Variants in TRIP12 observed in about 807,000 individuals in gnomAD.
TRIP12 encodes thyroid hormone receptor interactor 12.
Under a neutral mutation model 244.2 loss-of-function variants are expected in TRIP12, and 25 were observed. The ratio of observed to expected loss-of-function variants is 0.10; its 90% CI spans 0.07 to 0.14. TRIP12 has a LOEUF of 0.14. TRIP12 is among the 10% of genes least tolerant of loss of function. TRIP12 has a pLI of 1.00. For synonymous variants in TRIP12, 905 were observed against 873.1 expected (o/e 1.04, Z -0.64); for missense variants, 1,677 against 2,486.4 (o/e 0.67, Z 6.92).
intron 40 of TRIP12, among the ~76,000 whole-genome samples, 181 bp from the exon 41 acceptor site, chr2:229,768,900 A>T (rs941374335): frequency 1.3e-5 from 2 of 152,246 alleles, no homozygotes; most frequent in Non-Finnish European, 2.9e-5. Flanking sequence ...AAATGGAATG[A>T]TTACAGTTGT....
intron 9 of TRIP12, among the ~76,000 whole-genome samples, chr2:229,817,402 T>A (rs976505963): frequency 6.6e-6 from 1 of 152,214 alleles, no homozygotes; most frequent in African/African-American, 2.4e-5. Flanking sequence ...AAGAAAATTA[T>A]CAATCCACTA....
At chr2:229,831,635 C>G (rs1201273235) in intron 6 of TRIP12, among the ~76,000 whole-genome samples, 1 of 152,030 alleles carries the variant, frequency 6.6e-6, no homozygotes, top group Non-Finnish European at 1.5e-5. Context: ...TGTCTCAAAA[C>G]AAAAACAAGA....
intron 1 of TRIP12, among the ~76,000 whole-genome samples, chr2:229,892,722 C>T (rs931244886): frequency 2.0e-5 from 3 of 151,926 alleles, no homozygotes; most frequent in African/African-American, 7.3e-5. Context: ...AAAAATTAGC[C>T]GGGCATGGTA....
chr2:229,828,300 T>C (rs890039660), intron 8 of TRIP12, among the ~76,000 whole-genome samples: 19 of 152,022 alleles, frequency 1.2e-4, no homozygotes, highest in South Asian at 4.1e-4. Flanking sequence ...TTTCAGATAC[T>C]TTAAAATCAA....
intron 1 of TRIP12, among the ~76,000 whole-genome samples, chr2:229,915,689 T>C (rs1056906616): frequency 1.5e-4 from 18 of 119,764 alleles, no homozygotes; most frequent in Non-Finnish European, 3.1e-4. Context: ...TACTATTGTA[T>C]ACTAAAAAAA....
At chr2:229,836,705 A>T (rs2054910534) in intron 6 of TRIP12, 143 bp downstream of exon 6, 10 of 1,035,378 alleles carry the variant, frequency 9.7e-6, no homozygotes, top group Non-Finnish European at 1.3e-5. Context: ...AAATCCAACT[A>T]ATCAAAATAT....
chr2:229,805,592 A>T (rs1169698423), intron 18 of TRIP12, 138 bp downstream of exon 18: 4 of 828,230 alleles, frequency 4.8e-6, no homozygotes, highest in Non-Finnish European at 5.1e-6. Context: ...GACATGATTT[A>T]AAAAATCGAA....
chr2:229,903,264 C>T (rs1421272540), intron 1 of TRIP12, among the ~76,000 whole-genome samples: 1 of 152,052 alleles, frequency 6.6e-6, no homozygotes, highest in African/African-American at 2.4e-5. Context: ...CACACAGAGC[C>T]TGGCCCTTGC....
Position 229,797,786 on chromosome 2 carries a change from T to C in TRIP12, c.3528A>G (p.Val1176=), listed in dbSNP as rs1368876407. ...TATTCTCAGAACTGAAATAACGTTCTACAAATTTATGTGCCTGCTCCTTAA... is the reference window on the plus strand; with the variant it reads ...TATTCTCAGAACTGAAATAACGTTCCACAAATTTATGTGCCTGCTCCTTAA... The part of the protein sequence containing the change: ...GWIKEQAHKF[V]ERYFSSENMD... Residue 1176 remains valine (V), a synonymous_variant, in exon 24 of 42, where the codon GTA becomes GTG. Transcript: ENST00000675903. The C allele has an allele frequency of 1.2e-6, 2 of 1,614,048 alleles. No individual in the cohort carries two copies. The highest frequency in any genetic ancestry group is 1.7e-6 in the Non-Finnish European group (2 of 1,179,958).
chr2:229,900,310 C>G (rs2070324074), intron 1 of TRIP12, among the ~76,000 whole-genome samples: 1 of 152,294 alleles, frequency 6.6e-6, no homozygotes, highest in Non-Finnish European at 1.5e-5. Flanking sequence ...TAACTGTTTC[C>G]TATCTAACCT....
chr2:229,800,088 C>A (rs2043884710), intron 21 of TRIP12, among the ~76,000 whole-genome samples: 3 of 152,090 alleles, frequency 2.0e-5, no homozygotes, highest in Admixed American at 1.3e-4. Context: ...ACACTTTTTC[C>A]ATAACCAAAA....
chr2:229,773,076 C>T (rs2035024466), intron 38 of TRIP12, among the ~76,000 whole-genome samples: 1 of 145,556 alleles, frequency 6.9e-6, no homozygotes, highest in Non-Finnish European at 1.5e-5. Context: ...TTAATATATA[C>T]ATGCTTTTTT....
At chr2:229,884,611 AT>A (rs2065618498) in intron 1 of TRIP12, among the ~76,000 whole-genome samples, 2 of 152,104 alleles carry the variant, frequency 1.3e-5, no homozygotes, top group Non-Finnish European at 2.9e-5. Flanking sequence ...AACCCAAAAC[AT>A]TTTTTAAAAA....
chr2:229,787,045 A>G (rs913406570), intron 33 of TRIP12, among the ~76,000 whole-genome samples: 1 of 152,248 alleles, frequency 6.6e-6, no homozygotes, highest in Non-Finnish European at 1.5e-5. Flanking sequence ...ACTGGAGCTA[A>G]CTGGTATAAG....
intron 1 of TRIP12, among the ~76,000 whole-genome samples, chr2:229,906,443 C>T (rs1340276264): frequency 6.6e-6 from 1 of 150,956 alleles, no homozygotes; most frequent in Non-Finnish European, 1.5e-5. Flanking sequence ...GAAATTAGGC[C>T]GGGCTCAGTG....
At chr2:229,886,202 C>G (rs2065972032) in intron 1 of TRIP12, among the ~76,000 whole-genome samples, 1 of 152,124 alleles carries the variant, frequency 6.6e-6, no homozygotes, top group Non-Finnish European at 1.5e-5. Context: ...CTTAAGTAGC[C>G]ATATGTCAAA....
chr2:229,785,736 A>G, intron 34 of TRIP12, 21 bp downstream of exon 34: 1 of 1,606,328 alleles, frequency 6.2e-7, no homozygotes, highest in East Asian at 2.2e-5. Context: ...CTAAATAACC[A>G]TCACCAGACT....
chr2:229,840,070 T>A (rs1397224021), intron 5 of TRIP12, among the ~76,000 whole-genome samples: 2 of 152,196 alleles, frequency 1.3e-5, no homozygotes, highest in Non-Finnish European at 2.9e-5. Context: ...TGGGCAACAG[T>A]ACAGCCATTA....
chr2:229,843,020 C>T (rs973716975), intron 4 of TRIP12, among the ~76,000 whole-genome samples: 3 of 151,866 alleles, frequency 2.0e-5, no homozygotes, highest in Non-Finnish European at 4.4e-5. Context: ...CTTCCTGATC[C>T]CTTGTAGGTA....
Sources: gnomAD v4.1 joint callset for allele counts (sites outside exome capture counted in the v4.1 genomes callset) on GRCh38, gnomAD v4.1.1 for gene constraint, MANE v1.5 for transcripts, NCBI Gene and HGNC (gene_info 2026-07-23, HGNC 2026-07-21) for gene names.